CNTN5: variants seen among roughly 807,000 people sequenced by gnomAD.
The protein encoded by CNTN5 is contactin 5.
Under a neutral mutation model 129.1 loss-of-function variants are expected in CNTN5, and 77 were observed. The observed-to-expected ratio is 0.60, with a 90% CI of 0.50 to 0.72. CNTN5 has a LOEUF of 0.72. CNTN5 is among the 30% of genes least tolerant of loss of function. CNTN5 has a pLI of 0.00. For missense variants in CNTN5, 1,478 were observed against 1,328.8 expected (o/e 1.11, Z -1.75); for synonymous variants, 509 against 465.6 (o/e 1.09, Z -1.20).
intron 16 of CNTN5, among the ~76,000 whole-genome samples, chr11:100,239,079 C>T (rs573661417): frequency 1.3e-5 from 2 of 152,270 alleles, no homozygotes; most frequent in African/African-American, 4.8e-5. Flanking sequence ...GTTAACTGAG[C>T]TGATGAAATC....
chr11:99,686,075 T>C (rs1337018790), intron 3 of CNTN5, among the ~76,000 whole-genome samples: 2 of 151,886 alleles, frequency 1.3e-5, no homozygotes, highest in African/African-American at 4.8e-5. Context: ...TTGGAACACT[T>C]TTCCATTCAT....
chr11:99,773,285 A>G (rs1357327694), intron 3 of CNTN5, among the ~76,000 whole-genome samples: 2 of 152,148 alleles, frequency 1.3e-5, no homozygotes, highest in African/African-American at 4.8e-5. Context: ...ACCAGTGCAA[A>G]TCCCCAAAGA....
intron 2 of CNTN5, among the ~76,000 whole-genome samples, chr11:99,502,863 C>T (rs550267631): frequency 3.0e-4 from 46 of 152,154 alleles, no homozygotes; most frequent in Non-Finnish European, 4.0e-4. Context: ...CTTTCTTTAA[C>T]ATGTCTTCTC....
intron 3 of CNTN5, among the ~76,000 whole-genome samples, chr11:99,620,388 TATA>T (rs1950904457): frequency 6.6e-6 from 1 of 151,948 alleles, no homozygotes; most frequent in Non-Finnish European, 1.5e-5. Flanking sequence ...ATTGCCAGCA[TATA>T]ATATTTAATT....
chr11:99,716,546 A>G (rs1350208773), intron 3 of CNTN5, among the ~76,000 whole-genome samples: 2 of 151,948 alleles, frequency 1.3e-5, no homozygotes, highest in Non-Finnish European at 2.9e-5. Flanking sequence ...AACTAACCTT[A>G]ACACATCCTG....
At chr11:99,886,395 G>A (rs965447281) in intron 6 of CNTN5, among the ~76,000 whole-genome samples, 13 of 151,996 alleles carry the variant, frequency 8.6e-5, no homozygotes, top group Non-Finnish European at 1.6e-4. Flanking sequence ...ATATTAATAG[G>A]TATTTACCTA....
At chr11:100,038,163 T>C (rs1942143090) in intron 9 of CNTN5, among the ~76,000 whole-genome samples, 1 of 152,234 alleles carries the variant, frequency 6.6e-6, no homozygotes, top group Non-Finnish European at 1.5e-5. Flanking sequence ...TTCTGGTATG[T>C]TGTGTCTTTG....
intron 1 of CNTN5, among the ~76,000 whole-genome samples, chr11:99,021,828 G>T (rs1353665171): frequency 1.3e-5 from 2 of 152,142 alleles, no homozygotes; most frequent in Non-Finnish European, 2.9e-5. Flanking sequence ...TCTAAAGGTT[G>T]TATAGGATTG....
intron 4 of CNTN5, 39 bp downstream of exon 4, chr11:99,819,804 G>A: frequency 3.1e-6 from 2 of 634,920 alleles, no homozygotes; most frequent in Non-Finnish European, 3.9e-6. Context: ...TAGAATAAAG[G>A]AGGCAAAGAA....
At chr11:99,178,709 T>A (rs954041707) in intron 1 of CNTN5, among the ~76,000 whole-genome samples, 5 of 152,134 alleles carry the variant, frequency 3.3e-5, no homozygotes, top group African/African-American at 1.2e-4. Context: ...CTGTGTGACA[T>A]TTAGCAAATT....
At chr11:99,681,782 T>C in intron 3 of CNTN5, among the ~76,000 whole-genome samples, 1 of 152,022 alleles carries the variant, frequency 6.6e-6, no homozygotes, top group East Asian at 1.9e-4. Flanking sequence ...GATCTATATA[T>C]TGAAAAACTA....
chr11:99,923,811 C>T (rs1193087456), intron 7 of CNTN5, among the ~76,000 whole-genome samples: 3 of 152,018 alleles, frequency 2.0e-5, no homozygotes, highest in African/African-American at 7.3e-5. Flanking sequence ...ATCTATCTGA[C>T]AGAGTCTTGC....
intron 3 of CNTN5, among the ~76,000 whole-genome samples, chr11:99,805,408 C>A (rs1020088884): frequency 6.6e-6 from 1 of 152,122 alleles, no homozygotes; most frequent in Non-Finnish European, 1.5e-5. Context: ...CCGAAACAAT[C>A]AACCTATGTC....
intron 15 of CNTN5, among the ~76,000 whole-genome samples, chr11:100,202,091 ATTG>A (rs1192944699): frequency 6.6e-6 from 1 of 152,012 alleles, no homozygotes; most frequent in African/African-American, 2.4e-5. Flanking sequence ...AAATTGTGTT[ATTG>A]TTGTTGTCAT....
At chr11:100,308,892 G>T in intron 21 of CNTN5, 1 of 983,072 alleles carries the variant, frequency 1.0e-6, no homozygotes, top group Non-Finnish European at 1.2e-6. Flanking sequence ...GGAATTTAAT[G>T]ATCTGTATTG....
intron 13 of CNTN5, among the ~76,000 whole-genome samples, chr11:100,125,474 C>T (rs1946154491): frequency 6.6e-6 from 1 of 152,014 alleles, no homozygotes; most frequent in Non-Finnish European, 1.5e-5. Context: ...TCAGCTCCAC[C>T]TTGCCACAAA....
At chr11:99,667,926 C>T (rs181452170) in intron 3 of CNTN5, among the ~76,000 whole-genome samples, 6 of 149,012 alleles carry the variant, frequency 4.0e-5, no homozygotes, top group African/African-American at 1.2e-4. Context: ...GCACATTCTG[C>T]ACATGTATCC....
At chr11:99,261,416 A>G (rs968764649) in intron 1 of CNTN5, among the ~76,000 whole-genome samples, 1 of 152,022 alleles carries the variant, frequency 6.6e-6, no homozygotes, top group Admixed American at 6.6e-5. Context: ...TTTTGAAGCT[A>G]TTGTATCTCC....
At chr11:99,701,225 G>A (rs1319101067) in intron 3 of CNTN5, among the ~76,000 whole-genome samples, 1 of 151,222 alleles carries the variant, frequency 6.6e-6, no homozygotes. Flanking sequence ...GAATGCAAAT[G>A]AGCTTCATAA....
Sources: gnomAD v4.1 joint callset for allele counts (sites outside exome capture counted in the v4.1 genomes callset) on GRCh38, gnomAD v4.1.1 for gene constraint, MANE v1.5 for transcripts, NCBI Gene and HGNC (gene_info 2026-07-23, HGNC 2026-07-21) for gene names.